The following HDAC1 variants were observed in gnomAD, a reference collection of about 807,000 sequenced individuals.
HDAC1 encodes the protein histone deacetylase 1, also known as protein deacetylase HDAC1.
In HDAC1, 18 loss-of-function variants were observed where a neutral mutation model predicts 65.5. That is an observed-to-expected ratio of 0.27 (90% confidence interval 0.19 to 0.41). The LOEUF is 0.41. HDAC1 is among the 10% of genes least tolerant of loss of function. The probability of loss-of-function intolerance (pLI) is 1.00; values close to 1 mark genes in which losing one functional copy is unlikely to be tolerated. For missense variants in HDAC1, 373 were observed against 625.2 expected (o/e 0.60, Z 4.30); for synonymous variants, 211 against 227.9 (o/e 0.93, Z 0.67).
intron 12 of HDAC1, among the ~76,000 whole-genome samples, 188 bp downstream of exon 12, chr1:32,332,430 C>T (rs557120962): frequency 2.0e-5 from 3 of 152,316 alleles, no homozygotes; most frequent in East Asian, 3.9e-4. Context: ...TGCCTGAGCA[C>T]GGCTCTCACA....
At chr1:32,319,236 C>G (rs2148066439) in intron 3 of HDAC1, among the ~76,000 whole-genome samples, 1 of 152,086 alleles carries the variant, frequency 6.6e-6, no homozygotes, top group Non-Finnish European at 1.5e-5. Context: ...GAGACCTGGT[C>G]TCTAAAAAAA....
chr1:32,327,097 T>A lies in HDAC1; in HGVS notation c.494+20T>A. The stretch of plus-strand genomic sequence containing the variant: ...GCTAAAGTATGCCTGCCTGGCCTTG[T>A]CTCTTGGAAGAGCACCTTAGGCCAG... On this transcript the variant is annotated intron_variant, in intron 5 of 13. Coordinates refer to ENST00000373548, the MANE Select transcript of HDAC1 (RefSeq NM_004964.3). The surrounding 1 kb of genome is among the most constrained non-coding windows in gnomAD (Gnocchi z 6.0). The A allele has an allele frequency of 6.2e-7, 1 of 1,613,244 alleles. No individual in the cohort carries two copies. The highest frequency in any genetic ancestry group is 1.1e-5 in the South Asian group (1 of 91,058).
At chr1:32,296,839 T>C (rs892515691) in intron 1 of HDAC1, among the ~76,000 whole-genome samples, 51 of 152,208 alleles carry the variant, frequency 3.4e-4, no homozygotes, top group African/African-American at 1.2e-3. Flanking sequence ...AAGGGACTAG[T>C]AGTGATGGAG....
At chr1:32,324,454 T>C (rs1641189371) in intron 3 of HDAC1, 25 bp from the exon 4 acceptor site, 1 of 1,546,138 alleles carries the variant, frequency 6.5e-7, no homozygotes, top group African/African-American at 1.4e-5. Context: ...TTGTGGAAAC[T>C]AACCTTTTGC....
At chr1:32,297,039 G>A (rs1442927369) in intron 1 of HDAC1, among the ~76,000 whole-genome samples, 2 of 152,172 alleles carry the variant, frequency 1.3e-5, no homozygotes, top group Non-Finnish European at 2.9e-5. Flanking sequence ...CTTTTCCTGA[G>A]GGTGGGGTAG....
chr1:32,321,457 A>G (rs1284168848), intron 3 of HDAC1, among the ~76,000 whole-genome samples: 2 of 147,424 alleles, frequency 1.4e-5, no homozygotes, highest in Non-Finnish European at 3.0e-5. Context: ...CTTTGCAATG[A>G]GCATTTGACT....
intron 2 of HDAC1, among the ~76,000 whole-genome samples, chr1:32,314,272 G>A (rs549154401): frequency 6.6e-6 from 1 of 152,192 alleles, no homozygotes; most frequent in Admixed American, 6.5e-5. Flanking sequence ...GCTCACTGCA[G>A]CCTGGACTTC....
chr1:32,300,973 T>C (rs934644499), intron 1 of HDAC1, among the ~76,000 whole-genome samples: 2 of 152,176 alleles, frequency 1.3e-5, no homozygotes, highest in African/African-American at 4.8e-5. Flanking sequence ...AATAAAATTT[T>C]ATTTACCAAA....
rs1179868922 is a variant in HDAC1 at position 32,333,058 on chromosome 1, G to T, written c.*14G>T. 2 of 1,611,810 alleles carry T rather than the reference G, an allele frequency of 1.2e-6. No homozygotes were observed. Among genetic ancestry groups the T allele is most frequent in the Admixed American group, 3.3e-5 (2 of 59,934 alleles). On this transcript the variant is annotated 3_prime_UTR_variant, in exon 14 of 14. Coordinates refer to ENST00000373548, the MANE Select transcript of HDAC1 (RefSeq NM_004964.3). The stretch of plus-strand genomic sequence containing the variant: ...AAGTTGGCCTGAATGGACCTCTCCA[G>T]CTCTGGCTTCCTGCTGAGTCCCTCA...
intron 1 of HDAC1, among the ~76,000 whole-genome samples, chr1:32,299,457 T>C (rs1640815871): frequency 1.3e-5 from 2 of 152,122 alleles, no homozygotes; most frequent in South Asian, 4.2e-4. Flanking sequence ...GGATGCTGTC[T>C]CAGAGCCCCA....
At chr1:32,305,659 G>A (rs1476262855) in intron 2 of HDAC1, among the ~76,000 whole-genome samples, 1 of 144,820 alleles carries the variant, frequency 6.9e-6, no homozygotes, top group Non-Finnish European at 1.5e-5. Flanking sequence ...CACTCAGGCT[G>A]CAGTGCACTG....
At chr1:32,314,825 CAAAA>C (rs34315355) in intron 2 of HDAC1, among the ~76,000 whole-genome samples, 2 of 64,164 alleles carry the variant, frequency 3.1e-5, no homozygotes, top group Non-Finnish European at 3.6e-5. Flanking sequence ...GACTCCGTCT[CAAAA>C]AAAAAAAAAA....
intron 1 of HDAC1, 36 bp from the exon 2 acceptor site, chr1:32,302,585 A>C: frequency 9.8e-7 from 1 of 1,017,532 alleles, no homozygotes; most frequent in Admixed American, 1.7e-5. Flanking sequence ...TGTATGCCTA[A>C]CTGTGTTAGT....
In HDAC1 at chr1:32,330,552, G is replaced by A. The variant is rs1471224166; in HGVS notation, c.730-26G>A. The A allele has an allele frequency of 2.0e-6, 3 of 1,518,884 alleles. No individual in the cohort carries two copies. The highest frequency in any genetic ancestry group is 2.7e-6 in the Non-Finnish European group (3 of 1,093,474). The allele number at this position is 1,518,884 out of a possible 1,614,324, so 94.1% of individuals were successfully genotyped here. A position where few individuals can be genotyped will look rare whatever the true frequency, so the allele number is the denominator to read the frequency against. On this transcript the variant is annotated intron_variant, in intron 7 of 13. Transcript: ENST00000373548. The surrounding 1 kb of genome is among the most constrained non-coding windows in gnomAD (Gnocchi z 4.2). The stretch of plus-strand genomic sequence containing the variant: ...ACCTCGTATTGCTTTCTTGAGGTTG[G>A]TGGTGACCAGGATGTATCATTTTAG...
chr1:32,312,455 G>C (rs1478448976), intron 2 of HDAC1, among the ~76,000 whole-genome samples: 3 of 146,618 alleles, frequency 2.0e-5, no homozygotes, highest in East Asian at 2.1e-4. Context: ...CTGCCTCCTG[G>C]ATTTAAGCGA....
chr1:32,320,951 C>T (rs1206309468), intron 3 of HDAC1, among the ~76,000 whole-genome samples: 1 of 129,282 alleles, frequency 7.7e-6, no homozygotes, highest in African/African-American at 2.9e-5. Flanking sequence ...ATATTTTAGA[C>T]ACACACAAAA....
Position 32,330,881 on chromosome 1 carries a change from G to A in HDAC1, c.952G>A (p.Val318Met). 1.9e-6 allele frequency: 3 copies of A among 1,614,180 alleles called. No individual in the cohort carries two copies. Among genetic ancestry groups the A allele is most frequent in the Non-Finnish European group, 2.5e-6 (3 of 1,180,032 alleles). ...VARCWTYETA[V>M]ALDTEIPNEL... ...CCGGTGCTGGACATATGAGACAGCT[G>A]TGGCCCTGGATACGGAGATCCCTAA... Residue 318 changes from valine (V) to methionine (M), a missense_variant, in exon 9 of 14, where the codon GTG becomes ATG. Physicochemically the swap from Val to Met is conservative, Grantham distance 21 (BLOSUM62 1). Coordinates refer to ENST00000373548, the MANE Select transcript of HDAC1 (RefSeq NM_004964.3). This position sits in a 1 kb window ranked among gnomAD's most constrained non-coding sequence, Gnocchi z 4.2.
chr1:32,316,122 A>G (rs1369957007), intron 2 of HDAC1, among the ~76,000 whole-genome samples: 2 of 151,732 alleles, frequency 1.3e-5, no homozygotes, highest in African/African-American at 4.9e-5. Context: ...CTCTACTAAA[A>G]ATACAAAAAA....
chr1:32,331,630 G>A lies in HDAC1; in HGVS notation c.1089-46G>A. The A allele has an allele frequency of 6.2e-7, 1 of 1,613,684 alleles. No homozygotes were observed. The highest frequency in any genetic ancestry group is 1.1e-5 in the South Asian group (1 of 91,038). The stretch of plus-strand genomic sequence containing the variant: ...CCTTGGTTGAACATTCCTGACTTTG[G>A]TTTGTCCCTGACCAGAGCCCTGCTA... On this transcript the variant is annotated intron_variant, in intron 10 of 13. Coordinates refer to ENST00000373548, the MANE Select transcript of HDAC1 (RefSeq NM_004964.3). This position sits in a 1 kb window ranked among gnomAD's most constrained non-coding sequence, Gnocchi z 4.2.
Sources: gnomAD v4.1 joint callset for allele counts (sites outside exome capture counted in the v4.1 genomes callset) on GRCh38, gnomAD v4.1.1 for gene constraint, Gnocchi (gnomAD v3.1) non-coding constraint, MANE v1.5 for transcripts, NCBI Gene and HGNC (gene_info 2026-07-23, HGNC 2026-07-21) for gene names.